Variants in HIVEP1 observed in about 807,000 individuals in gnomAD.
HIVEP1 encodes HIVEP zinc finger 1, also known as zinc finger protein 40.
Under a neutral mutation model 180.0 loss-of-function variants are expected in HIVEP1, and 36 were observed. The ratio of observed to expected loss-of-function variants is 0.20; its 90% CI spans 0.15 to 0.26. The LOEUF is 0.26. Among genes scored for constraint, HIVEP1 ranks in the 10% least tolerant of loss-of-function variants. The pLI is 1.00. For synonymous variants in HIVEP1, 1,239 were observed against 1,239.0 expected (o/e 1.00, Z 0.00); for missense variants, 3,143 against 3,268.7 (o/e 0.96, Z 0.94).
intron 2 of HIVEP1, among the ~76,000 whole-genome samples, chr6:12,048,207 T>C (rs4714143): frequency 0.99 from 151,115 of 152,348 alleles, 74,960 homozygotes; most frequent in Middle Eastern, 1. Context: ...GTGATAAGAG[T>C]AGGTGGGCCA....
chr6:12,058,198 T>C (rs1056875435), intron 2 of HIVEP1, among the ~76,000 whole-genome samples: 1 of 152,102 alleles, frequency 6.6e-6, no homozygotes, highest in Non-Finnish European at 1.5e-5. Flanking sequence ...TGAGAGTGTT[T>C]GTCAGTGTCA....
the HIVEP1 span, among the ~76,000 whole-genome samples, chr6:12,201,884 T>A: frequency 3.9e-5 from 6 of 152,228 alleles, no homozygotes; most frequent in Non-Finnish European, 8.8e-5. Flanking sequence ...TATGGCTATG[T>A]ATGGGGATCT....
chr6:12,163,925 A>C lies in HIVEP1; in HGVS notation c.7621A>C (p.Ile2541Leu), dbSNP rs1005810178. Residue 2541 changes from isoleucine to leucine, a missense_variant, in exon 9 of 9, where the codon ATT (isoleucine) becomes CTT (leucine). Ile to Leu is a conservative substitution (Grantham distance 5, BLOSUM62 2). Transcript: ENST00000379388. ...SQSSPAPQAH[I>L]PGLQILNIAL... ...AAGCAGCCCCGCCCCTCAGGCACAC[A>C]TTCCAGGTCTCCAGATCTTGAACAT... is the stretch of plus-strand genomic sequence containing the variant. 11 of 1,614,112 alleles carry C rather than the reference A, an allele frequency of 6.8e-6. No individual in the cohort carries two copies. The highest frequency in any genetic ancestry group is 9.3e-6 in the Non-Finnish European group (11 of 1,180,014).
Position 12,123,373 on chromosome 6 carries a change from C to T in HIVEP1, c.3578C>T (p.Pro1193Leu), listed in dbSNP as rs867140815. ...CACCCTTCTCGGGACGGGTCTCATC[C>T]TCACCAGCTTGCACTATCAGACGCT... The part of the protein sequence containing the change: ...ESHPSRDGSH[P>L]HQLALSDALR... Residue 1193 changes from proline (P) to leucine (L), a missense_variant, in exon 4 of 9, where the codon CCT becomes CTT. Around this residue, in one of 12 missense-constraint regions of HIVEP1, gnomAD observed 1,357 missense variants for 1,260.5 expected, o/e 1.08. Coordinates refer to ENST00000379388, the MANE Select transcript of HIVEP1 (RefSeq NM_002114.4). 4 of 1,614,174 alleles carry T rather than the reference C, an allele frequency of 2.5e-6. No homozygotes were observed. Among genetic ancestry groups the T allele is most frequent in the Non-Finnish European group, 8.5e-7 (1 of 1,180,024 alleles).
rs149184892 is a variant in HIVEP1 at position 12,065,965 on chromosome 6, C to T, written c.41-23219C>T. 2.3e-3 allele frequency among the ~76,000 whole-genome samples: 350 copies of T among 152,100 alleles called. 2 individuals carry two copies. Among genetic ancestry groups the T allele is most frequent in the Non-Finnish European group, 1.6e-3 (107 of 68,008 alleles). ...ATATCCCCCAGTAGGGCCTGAAGTGCGAGGGTGCGGCTGTGAGTAAGGAGA... is the reference window on the plus strand; with the variant it reads ...ATATCCCCCAGTAGGGCCTGAAGTGTGAGGGTGCGGCTGTGAGTAAGGAGA... On this transcript the variant is annotated intron_variant, in intron 2 of 8. Coordinates refer to ENST00000379388, the MANE Select transcript of HIVEP1 (RefSeq NM_002114.4).
chr6:12,026,461 T>A (rs919588542), intron 2 of HIVEP1, among the ~76,000 whole-genome samples: 2 of 152,088 alleles, frequency 1.3e-5, no homozygotes, highest in African/African-American at 4.8e-5. Context: ...GGGGGAAAAA[T>A]TACGCAGAAG....
intron 7 of HIVEP1, among the ~76,000 whole-genome samples, chr6:12,148,157 TGAA>T (rs1478015763): frequency 2.6e-5 from 4 of 152,230 alleles, no homozygotes; most frequent in African/African-American, 9.6e-5. Flanking sequence ...TAAAACATGA[TGAA>T]GGAGAATAAA....
chr6:12,010,004 C>A (rs932223064), upstream of HIVEP1, among the ~76,000 whole-genome samples: 5 of 152,214 alleles, frequency 3.3e-5, no homozygotes, highest in Non-Finnish European at 7.3e-5. Context: ...CAAAGTGATA[C>A]AAACTTCACT....
intron 3 of HIVEP1, among the ~76,000 whole-genome samples, chr6:12,093,417 T>C (rs1464736257): frequency 6.6e-6 from 1 of 151,650 alleles, no homozygotes; most frequent in African/African-American, 2.4e-5. Flanking sequence ...TTCATTTTTT[T>C]GTATTTTTAT....
At chr6:12,205,981 A>G in the HIVEP1 span, among the ~76,000 whole-genome samples, 1 of 152,138 alleles carries the variant, frequency 6.6e-6, no homozygotes, top group Non-Finnish European at 1.5e-5. Context: ...GTCCGCCCCA[A>G]AATTTATGTG....
At chr6:12,011,689 C>T (rs1211969826), upstream of HIVEP1, among the ~76,000 whole-genome samples, 9 of 148,690 alleles carry the variant, frequency 6.1e-5, no homozygotes, top group African/African-American at 2.2e-4. Context: ...CCGGCGCGGT[C>T]TGGGGCCCGC....
At chr6:12,061,201 G>A (rs1771208522) in intron 2 of HIVEP1, among the ~76,000 whole-genome samples, 1 of 152,206 alleles carries the variant, frequency 6.6e-6, no homozygotes, top group Non-Finnish European at 1.5e-5. Context: ...GGATTGTAAT[G>A]TTGTGTGTGT....
At chr6:12,110,453 G>C (rs1774814968) in intron 3 of HIVEP1, among the ~76,000 whole-genome samples, 1 of 152,230 alleles carries the variant, frequency 6.6e-6, no homozygotes, top group African/African-American at 2.4e-5. Flanking sequence ...ATAACTTGCT[G>C]CAGCTTCTAC....
At chr6:12,098,831 T>C (rs1163034671) in intron 3 of HIVEP1, among the ~76,000 whole-genome samples, 1 of 152,182 alleles carries the variant, frequency 6.6e-6, no homozygotes, top group East Asian at 1.9e-4. Flanking sequence ...AACAATATGG[T>C]GTTCTTTTAT....
At chr6:12,085,957 T>C (rs1302361791) in intron 2 of HIVEP1, among the ~76,000 whole-genome samples, 2 of 152,166 alleles carry the variant, frequency 1.3e-5, no homozygotes, top group Admixed American at 6.6e-5. Flanking sequence ...GAGACTTCTT[T>C]TATGATTATT....
Position 12,164,551 on chromosome 6 carries a change from A to G in HIVEP1, c.*90A>G, listed in dbSNP as rs1046008882. 2.0e-6 allele frequency: 2 copies of G among 991,682 alleles called. No individual in the cohort carries two copies. Among genetic ancestry groups the G allele is most frequent in the Non-Finnish European group, 2.9e-6 (2 of 691,668 alleles). The allele number at this position is 991,682 out of a possible 1,614,324, so 61.4% of individuals were successfully genotyped here. ...TTTCCTTAAAGCACATTTTTCTGAC[A>G]TAAACTCATGACTAATCTTTGTGCA... On this transcript the variant is annotated 3_prime_UTR_variant, in exon 9 of 9. Transcript: ENST00000379388.
intron 3 of HIVEP1, among the ~76,000 whole-genome samples, chr6:12,109,082 C>G (rs924900122): frequency 4.6e-5 from 7 of 152,228 alleles, no homozygotes; most frequent in African/African-American, 1.7e-4. Context: ...CAGGTTCACG[C>G]CATTCTCCTG....
At chr6:12,013,107 CGAG>C (rs1246052339) in intron 1 of HIVEP1, among the ~76,000 whole-genome samples, 1 of 152,004 alleles carries the variant, frequency 6.6e-6, no homozygotes, top group African/African-American at 2.4e-5. Context: ...GAGCAGGCGG[CGAG>C]GAGGAGTCTC....
rs572725149 is a variant in HIVEP1, at chr6:12,027,552, C to T, written c.40+11884C>T. Among the ~76,000 whole-genome samples the T allele has an allele frequency of 1.2e-4, 19 of 152,306 alleles. No individual in the cohort carries two copies. In the Middle Eastern group the frequency reaches 0.01, roughly 82 times the overall value. The stretch of plus-strand genomic sequence containing the variant: ...AATTGTACTGTCTCCATCTAGTCAC[C>T]TTTGTATTTAACTCAACTTGGTAGA... On this transcript the variant is annotated intron_variant, in intron 2 of 8. Coordinates refer to ENST00000379388, the MANE Select transcript of HIVEP1 (RefSeq NM_002114.4).
Sources: gnomAD v4.1 joint callset for allele counts (sites outside exome capture counted in the v4.1 genomes callset) on GRCh38, gnomAD v4.1.1 for gene constraint, gnomAD v4.1.1 regional missense constraint, MANE v1.5 for transcripts, NCBI Gene and HGNC (gene_info 2026-07-23, HGNC 2026-07-21) for gene names.